The following AK9 variants were observed in gnomAD, a reference collection of about 807,000 sequenced individuals.
AK9 encodes the protein adenylate kinase 9.
In AK9, 191 loss-of-function variants were observed where a neutral mutation model predicts 239.6. The ratio of observed to expected loss-of-function variants is 0.80; its 90% confidence interval spans 0.71 to 0.90. The LOEUF is 0.90. AK9 is among the 40% of genes least tolerant of loss of function. AK9 has a pLI of 0.00. For missense variants in AK9, 1,995 were observed against 2,214.7 expected (o/e 0.90, Z 1.99); for synonymous variants, 689 against 721.0 (o/e 0.96, Z 0.71).
intron 20 of AK9, among the ~76,000 whole-genome samples, chr6:109,577,321 C>T (rs946978697): frequency 2.0e-5 from 3 of 152,128 alleles, no homozygotes; most frequent in African/African-American, 7.2e-5. Flanking sequence ...AACCATCCTT[C>T]CATCCCTGGT....
At chr6:109,608,307 G>A (rs998744072) in intron 17 of AK9, among the ~76,000 whole-genome samples, 4 of 149,426 alleles carry the variant, frequency 2.7e-5, no homozygotes, top group African/African-American at 7.4e-5. Context: ...AACTACAGTC[G>A]TTAAGACATG....
intron 12 of AK9, among the ~76,000 whole-genome samples, chr6:109,622,654 T>C (rs9374110): frequency 0.58 from 85,029 of 146,518 alleles, 26,320 homozygotes; most frequent in East Asian, 0.84. Context: ...ATGTGTATTA[T>C]AGACATAATG....
intron 24 of AK9, among the ~76,000 whole-genome samples, chr6:109,553,476 G>A (rs1346029959): frequency 1.3e-5 from 2 of 152,124 alleles, no homozygotes; most frequent in Non-Finnish European, 2.9e-5. Flanking sequence ...GTGAATGGAA[G>A]TTCATTCATG....
chr6:109,676,720 ATAG>A (rs1195464679), intron 1 of AK9, among the ~76,000 whole-genome samples: 36 of 152,148 alleles, frequency 2.4e-4, no homozygotes, highest in African/African-American at 8.4e-4. Flanking sequence ...TAGCAAAATA[ATAG>A]TATTATTAAA....
chr6:109,496,677 T>C (rs1777068715), intron 38 of AK9, among the ~76,000 whole-genome samples: 1 of 152,146 alleles, frequency 6.6e-6, no homozygotes, highest in African/African-American at 2.4e-5. Flanking sequence ...CTGACATTCA[T>C]GCATTGGTGT....
chr6:109,523,679 G>T (rs1176321269), intron 29 of AK9, among the ~76,000 whole-genome samples: 2 of 152,068 alleles, frequency 1.3e-5, no homozygotes, highest in East Asian at 1.9e-4. Flanking sequence ...CCAGAGAAAG[G>T]AGCCAAAACC....
At chr6:109,652,974 C>T (rs1469511898) in intron 8 of AK9, among the ~76,000 whole-genome samples, 1 of 151,938 alleles carries the variant, frequency 6.6e-6, no homozygotes, top group African/African-American at 2.4e-5. Flanking sequence ...GTCACCCAGG[C>T]TGGACTGCAT....
chr6:109,652,430 A>T (rs770079120), intron 8 of AK9, among the ~76,000 whole-genome samples: 2 of 152,178 alleles, frequency 1.3e-5, no homozygotes, highest in Non-Finnish European at 2.9e-5. Flanking sequence ...ATTTATGACA[A>T]ACCCACAGCT....
At position 109,493,456 on chromosome 6, in the gene AK9, GTA is replaced by G. The variant is rs1174976384; in HGVS notation, c.5647_5648del (p.Tyr1883GlnfsTer9). The G allele has an allele frequency of 5.0e-6, 8 of 1,614,082 alleles. No individual in the cohort carries two copies. Among genetic ancestry groups the G allele is most frequent in the Non-Finnish European group, 6.8e-6 (8 of 1,179,998 alleles). On this transcript the variant is annotated frameshift_variant, in exon 41 of 41. Coordinates refer to ENST00000424296, the MANE Select transcript of AK9 (RefSeq NM_001145128.3). LOFTEE classifies it high-confidence loss of function. ...TYLGAKMTRK[Y>X]KEPQFRAIDF... ...CAATGGCTCTGAACTGAGGTTCCTT[GTA>G]TTTTCTGGTCATCTTGGCACCCAAG...
intron 8 of AK9, among the ~76,000 whole-genome samples, chr6:109,649,283 GA>G (rs1798559441): frequency 6.6e-6 from 1 of 151,740 alleles, no homozygotes; most frequent in Non-Finnish European, 1.5e-5. Context: ...ATTCAATTAG[GA>G]AAAGAGGAAG....
chr6:109,635,109 A>G (rs1323802646), intron 10 of AK9, among the ~76,000 whole-genome samples: 1 of 152,172 alleles, frequency 6.6e-6, no homozygotes, highest in African/African-American at 2.4e-5. Context: ...ATGACAGTAG[A>G]AGAATAAAAA....
At chr6:109,537,879 G>A (rs1411838684) in intron 27 of AK9, among the ~76,000 whole-genome samples, 2 of 152,174 alleles carry the variant, frequency 1.3e-5, no homozygotes, top group Non-Finnish European at 1.5e-5. Context: ...AGTCATTCAG[G>A]AGCAGGTTGT....
intron 30 of AK9, 112 bp downstream of exon 30, chr6:109,516,318 C>A (rs1053132844): frequency 1.8e-5 from 18 of 989,380 alleles, no homozygotes; most frequent in South Asian, 3.4e-5. Context: ...GGAAATACAG[C>A]CCTAAAATAT....
Position 109,516,527 on chromosome 6 carries a change from T to C in AK9, c.3749A>G (p.Glu1250Gly). The stretch of plus-strand genomic sequence containing the variant: ...ATCAGTTTCCTGTTCTTCATCTTCC[T>C]CGCCACTCATCTCTTCCTCATCTTT... ...FPKDEEEMSG[E>G]EDEEQETDAI... Residue 1250 changes from glutamate to glycine, a missense_variant, in exon 30 of 41, where the codon GAG (glutamate) becomes GGG (glycine). Transcript: ENST00000424296. 1 of 1,551,776 alleles carries C rather than the reference T, an allele frequency of 6.4e-7. No homozygotes were observed. The highest frequency in any genetic ancestry group is 8.7e-7 in the Non-Finnish European group (1 of 1,147,026).
At chr6:109,675,828 T>C (rs1771636935) in intron 1 of AK9, 72 bp from the exon 2 acceptor site, 6 of 852,386 alleles carry the variant, frequency 7.0e-6, no homozygotes, top group South Asian at 1.8e-5. Flanking sequence ...ACAATTGAAA[T>C]AACCTGTGAG....
At chr6:109,616,438 T>G (rs938539650) in intron 13 of AK9, among the ~76,000 whole-genome samples, 4 of 151,956 alleles carry the variant, frequency 2.6e-5, no homozygotes, top group African/African-American at 9.7e-5. Context: ...AGTGTGGTGA[T>G]GTGATCATAG....
At chr6:109,548,904 G>C (rs1783949527) in intron 25 of AK9, among the ~76,000 whole-genome samples, 1 of 152,214 alleles carries the variant, frequency 6.6e-6, no homozygotes, top group Non-Finnish European at 1.5e-5. Context: ...AGAGGTGGCA[G>C]TGGTCCAGTC....
chr6:109,615,414 ATTTTGTCC>A (rs1169416774), intron 13 of AK9, among the ~76,000 whole-genome samples: 1 of 152,146 alleles, frequency 6.6e-6, no homozygotes, highest in East Asian at 1.9e-4. Context: ...TAATAAATTC[ATTTTGTCC>A]AGCCTTAAAT....
At chr6:109,539,516 CAA>C (rs988117208) in intron 27 of AK9, among the ~76,000 whole-genome samples, 22 of 152,194 alleles carry the variant, frequency 1.4e-4, no homozygotes, top group African/African-American at 5.3e-4. Context: ...AATCTTTTTT[CAA>C]AGTTTTCAGC....
Sources: gnomAD v4.1 joint callset for allele counts (sites outside exome capture counted in the v4.1 genomes callset) on GRCh38, gnomAD v4.1.1 for gene constraint, MANE v1.5 for transcripts, NCBI Gene and HGNC (gene_info 2026-07-23, HGNC 2026-07-21) for gene names.